The following DNAH1 variants were observed in gnomAD, a reference collection of about 807,000 sequenced individuals.
DNAH1 encodes the protein axonemal beta dynein heavy chain 1.
Under a neutral mutation model 484.3 loss-of-function variants are expected in DNAH1, and 327 were observed. The ratio of observed to expected loss-of-function variants is 0.68; its 90% CI spans 0.62 to 0.74. The LOEUF (loss-of-function observed/expected upper bound fraction) is 0.74. DNAH1 is among the 30% of genes least tolerant of loss of function. The pLI is 0.00. For missense variants in DNAH1, 5,052 were observed against 5,546.8 expected, an observed-to-expected ratio of 0.91 and a Z score of 2.83; for synonymous variants, 2,192 against 2,191.9, an observed-to-expected ratio of 1.00 and a Z score of 0.00.
chr3:52,396,528 C>G lies in DNAH1; in HGVS notation c.11420C>G (p.Ser3807Cys). The part of the protein sequence containing the change: ...YSSLGEDFLN[S>C]CHKVMEFKSL... Reference sequence around the variant, plus strand: ...AGCCTTGGTGAAGACTTCCTCAACTCCTGCCACAAGGTGAGGCACACTTGG... The same window carrying G: ...AGCCTTGGTGAAGACTTCCTCAACTGCTGCCACAAGGTGAGGCACACTTGG... The change falls in exon 71 of 78, where the codon TCC becomes TGC. Residue 3807 changes from serine (S) to cysteine (C), a missense_variant. Physicochemically the swap from Ser to Cys is moderately radical, Grantham distance 112 (BLOSUM62 -1). This residue lies in a region of DNAH1 where 853 missense variants were observed against 899.0 expected (regional missense o/e 0.95). Coordinates refer to ENST00000420323, the MANE Select transcript of DNAH1 (RefSeq NM_015512.5). The G allele has an allele frequency of 1.2e-6, 2 of 1,612,482 alleles. No homozygotes were observed. The highest frequency in any genetic ancestry group is 1.7e-6 in the Non-Finnish European group (2 of 1,179,266).
In DNAH1 at chr3:52,350,108, G is replaced by A. The variant is rs1424484374; in HGVS notation, c.2646G>A (p.Glu882=). ...KGIPERLVGL[E]ERIVKVMDDY... ...TCCCGGAGAGGCTGGTGGGCCTGGAGGTGAGGCAGGCACACGGGCACTGGG... is the reference window on the plus strand; with the variant it reads ...TCCCGGAGAGGCTGGTGGGCCTGGAAGTGAGGCAGGCACACGGGCACTGGG... Residue 882 remains glutamate (E), a splice_region_variant and synonymous_variant, in exon 15 of 78, where the codon GAG becomes GAA. Transcript: ENST00000420323. The A allele has an allele frequency of 6.2e-7, 1 of 1,610,380 alleles. No individual in the cohort carries two copies. The highest frequency in any genetic ancestry group is 8.5e-7 in the Non-Finnish European group (1 of 1,179,094).
chr3:52,386,752 GGAGAAAA>G lies in DNAH1; in HGVS notation c.8904_8910del (p.Glu2969GlnfsTer38). 1 of 1,588,570 alleles carries G rather than the reference GGAGAAAA, an allele frequency of 6.3e-7. No homozygotes were observed. The highest frequency in any genetic ancestry group is 1.2e-5 in the South Asian group (1 of 86,800). On this transcript the variant is annotated frameshift_variant, in exon 56 of 78. Coordinates refer to ENST00000420323, the MANE Select transcript of DNAH1 (RefSeq NM_015512.5). LOFTEE classifies it high-confidence loss of function. ...AGGCATCAAGCCCAAGAAGGTGCCT[GGAGAAAA>G]GCCAGGCACCAAGGTGGATGACTAC...
At chr3:52,375,490 G>A (rs1466017375) in intron 45 of DNAH1, 77 bp downstream of exon 45, 3 of 1,524,770 alleles carry the variant, frequency 2.0e-6, no homozygotes, top group Admixed American at 3.8e-5. Flanking sequence ...CAACTGGGTG[G>A]CCACCAGAAA....
intron 6 of DNAH1, among the ~76,000 whole-genome samples, chr3:52,328,459 T>C (rs1214744672): frequency 6.6e-6 from 1 of 152,080 alleles, no homozygotes; most frequent in East Asian, 1.9e-4. Flanking sequence ...TCACACACAT[T>C]GACAAGCACA....
In DNAH1 at chr3:52,388,409, G is replaced by A. The variant is rs764653713; in HGVS notation, c.9172-9G>A. On this transcript the variant is annotated splice_polypyrimidine_tract_variant and intron_variant, in intron 57 of 77. Transcript: ENST00000420323. ...TTGGCGAGCTAATCCTGCGCCCTCC[G>A]CCCCACAGCAAGCCCTGCTGGAGGC... 1.7e-5 allele frequency: 27 copies of A among 1,608,270 alleles called. No homozygotes were observed. The highest frequency in any genetic ancestry group is 1.1e-4 in the African/African-American group (8 of 74,846).
chr3:52,383,666 A>G, intron 51 of DNAH1, 72 bp downstream of exon 51: 10 of 1,458,622 alleles, frequency 6.9e-6, no homozygotes, highest in Non-Finnish European at 8.2e-6. Context: ...CCCCGGGGAC[A>G]CTGGATGCCA....
Position 52,388,844 on chromosome 3 carries a change from G to A in DNAH1, c.9402G>A (p.Gln3134=). Residue 3134 remains glutamine, a synonymous_variant, in exon 59 of 78, where the codon CAG becomes CAA. Transcript: ENST00000420323. ...NGLSDEKVRW[Q]ETVENLQYML... ...TGTCGGATGAGAAGGTGCGCTGGCA[G>A]GAGACGGTGGAGAACCTGCAGTACA... is the stretch of plus-strand genomic sequence containing the variant. The A allele has an allele frequency of 6.2e-7, 1 of 1,613,762 alleles. No individual in the cohort carries two copies. The highest frequency in any genetic ancestry group is 8.5e-7 in the Non-Finnish European group (1 of 1,179,868).
intron 56 of DNAH1, 90 bp from the exon 57 acceptor site, chr3:52,388,077 G>A (rs1704186528): frequency 6.7e-7 from 1 of 1,494,824 alleles, no homozygotes; most frequent in South Asian, 1.3e-5. Flanking sequence ...AAAAGCCAGG[G>A]TGTCCCTCAG....
Position 52,380,033 on chromosome 3 carries a change from G to T in DNAH1, c.7506G>T (p.Val2502=). Residue 2502 remains valine, a synonymous_variant, in exon 48 of 78, where the codon GTG becomes GTT. Coordinates refer to ENST00000420323, the MANE Select transcript of DNAH1 (RefSeq NM_015512.5). ...AGCGCTGCATGGAGCAGTGGGAGGT[G>T]ACCTTCAACAAGGTCTGCCCCTTCC... ...LLKRCMEQWE[V]TFNKVCPFQP... 6.3e-7 allele frequency: 1 copy of T among 1,599,120 alleles called. No individual in the cohort carries two copies. Among genetic ancestry groups the T allele is most frequent in the East Asian group, 2.3e-5 (1 of 44,162 alleles).
Position 52,323,828 on chromosome 3 carries a change from A to G in DNAH1, c.354A>G (p.Arg118=), listed in dbSNP as rs1417322281. 2 of 1,590,064 alleles carry G rather than the reference A, an allele frequency of 1.3e-6. No individual in the cohort carries two copies. The highest frequency in any genetic ancestry group is 1.1e-5 in the South Asian group (1 of 87,048). Residue 118 remains arginine, a synonymous_variant, in exon 3 of 78, where the codon CGA becomes CGG. Transcript: ENST00000420323. The part of the protein sequence containing the change: ...DQLGEVCRGP[R]MSQNLLRQAD... ...TTCAGGAGGTATGTCGTGGCCCCCG[A>G]ATGAGCCAGAACCTCCTGCGGCAGG...
chr3:52,321,012 C>G (rs1471352134), intron 1 of DNAH1, among the ~76,000 whole-genome samples: 2 of 151,900 alleles, frequency 1.3e-5, no homozygotes, highest in African/African-American at 4.8e-5. Flanking sequence ...GTTGACCAGG[C>G]TGGTCTCTAA....
chr3:52,395,410 G>A lies in DNAH1; in HGVS notation c.11071G>A (p.Ala3691Thr). Residue 3691 changes from alanine (A) to threonine (T), a missense_variant, in exon 69 of 78, where the codon GCC becomes ACC. By Grantham distance (58) the Ala-to-Thr change is moderately conservative. Transcript: ENST00000420323. This position sits in a 1 kb window ranked among gnomAD's most constrained non-coding sequence, Gnocchi z 4.4. ...CCCTGCTGCCGACCTCTACAAGTTT[G>A]CCGAAGAAATGAAGTTCTCCAAAAA... ...TDPAADLYKF[A>T]EEMKFSKKLS... 1.2e-6 allele frequency: 2 copies of A among 1,613,868 alleles called. No individual in the cohort carries two copies. Among genetic ancestry groups the A allele is most frequent in the Non-Finnish European group, 1.7e-6 (2 of 1,179,884 alleles).
rs1182038446 is a variant in DNAH1, at chr3:52,399,668, A to G, written c.12565A>G (p.Lys4189Glu). 1 of 1,614,010 alleles carries G rather than the reference A, an allele frequency of 6.2e-7. No homozygotes were observed. Among genetic ancestry groups the G allele is most frequent in the South Asian group, 1.1e-5 (1 of 91,090 alleles). ...CTTCCAGCTGGCTGAGTCTCAGCCC[A>G]AGGAGCTGTACACAGAGATGGCCGT... ...EAFQLAESQP[K>E]ELYTEMAVIW... Residue 4189 changes from lysine (K) to glutamate (E), a missense_variant, in exon 77 of 78, where the codon AAG becomes GAG. Transcript: ENST00000420323.
rs760881823 is a variant in DNAH1, at chr3:52,396,731, AGATCTGCGCATC to A, written c.11545_11556del (p.Asp3849_Ile3852del). 1.2e-6 allele frequency: 2 copies of A among 1,613,728 alleles called. No homozygotes were observed. Among genetic ancestry groups the A allele is most frequent in the Middle Eastern group, 3.3e-4 (2 of 6,062 alleles). ...ACATCCCCTATGAGTTCACGGATGGAGATCTGCGCATCTGCATCAGCCAGCTCAAGATGTTCC... is the reference window on the plus strand; with the variant it reads ...ACATCCCCTATGAGTTCACGGATGGATGCATCAGCCAGCTCAAGATGTTCC... On this transcript the variant is annotated inframe_deletion, in exon 72 of 78. Transcript: ENST00000420323.
At chr3:52,352,818 A>C in intron 18 of DNAH1, 111 bp downstream of exon 18, 2 of 1,440,168 alleles carry the variant, frequency 1.4e-6, no homozygotes, top group African/African-American at 1.4e-5. Flanking sequence ...AGGACCCAGC[A>C]GGCTGCAGAG....
intron 1 of DNAH1, among the ~76,000 whole-genome samples, chr3:52,319,945 A>C (rs529475727): frequency 1.3e-5 from 2 of 152,316 alleles, no homozygotes; most frequent in South Asian, 4.1e-4. Flanking sequence ...AAGTTCACCC[A>C]TTATGGATTC....
intron 44 of DNAH1, 46 bp from the exon 45 acceptor site, chr3:52,375,194 T>C: frequency 2.6e-6 from 4 of 1,552,922 alleles, no homozygotes; most frequent in South Asian, 1.2e-5. Flanking sequence ...AAGGTCATAA[T>C]GCAGCCCTGG....
At chr3:52,369,692 A>C in intron 37 of DNAH1, 133 bp from the exon 38 acceptor site, 1 of 960,566 alleles carries the variant, frequency 1.0e-6, no homozygotes, top group South Asian at 1.7e-5. Context: ...CCCACCCAGC[A>C]CTGCCCCTGC....
chr3:52,363,907 C>G (rs753861113), intron 32 of DNAH1, among the ~76,000 whole-genome samples: 2 of 152,204 alleles, frequency 1.3e-5, no homozygotes, highest in Non-Finnish European at 2.9e-5. Context: ...CAGTTCATCA[C>G]AGTGCACTCC....
Sources: allele counts gnomAD v4.1 joint callset (sites outside exome capture counted in the v4.1 genomes callset), GRCh38; gene constraint gnomAD v4.1.1; regional missense constraint gnomAD v4.1.1; non-coding constraint Gnocchi (gnomAD v3.1); transcripts MANE v1.5; gene names NCBI Gene and HGNC (gene_info 2026-07-23, HGNC 2026-07-21).